Variants in TSC2 observed in about 807,000 individuals in gnomAD.
The protein encoded by TSC2 is tuberin.
TSC2 carries 29 observed loss-of-function variants against 202.2 expected under a neutral mutation model. The observed-to-expected ratio is 0.14, with a 90% CI of 0.11 to 0.20. TSC2 has a LOEUF of 0.20. Ranked by LOEUF, TSC2 falls within the 10% of genes least tolerant of loss-of-function variation. The probability of loss-of-function intolerance (pLI) is 1.00; values close to 1 mark genes in which losing one functional copy is unlikely to be tolerated. For missense variants in TSC2, 2,429 were observed against 2,420.0 expected (o/e 1.00, Z -0.08); for synonymous variants, 1,349 against 1,044.0 (o/e 1.29, Z -5.63).
intron 9 of TSC2, 137 bp from the exon 10 acceptor site, chr16:2,058,610 C>T: frequency 7.5e-7 from 1 of 1,332,862 alleles, no homozygotes; most frequent in Non-Finnish European, 1.0e-6. Flanking sequence ...CCCTGCCCTT[C>T]CCCAGCGGTG....
intron 15 of TSC2, chr16:2,064,697 C>T (rs549497262): frequency 2.8e-5 from 15 of 531,194 alleles, no homozygotes; most frequent in East Asian, 2.6e-4. Context: ...GAGCCCAGAC[C>T]TGGGGCTGGG....
At chr16:2,056,832 C>G in intron 8 of TSC2, 63 bp downstream of exon 8, 1 of 1,599,034 alleles carries the variant, frequency 6.3e-7, no homozygotes, top group South Asian at 1.1e-5. Context: ...AAGGGCCATC[C>G]TGTCTCCCAT....
rs397515028 is a variant in TSC2, at chr16:2,085,307, T to C, written c.4647T>C (p.Tyr1549=). 6 of 1,612,674 alleles carry C rather than the reference T, an allele frequency of 3.7e-6. 1 individual carries two copies. The highest frequency in any genetic ancestry group is 1.7e-4 in the Middle Eastern group (1 of 6,060). Residue 1549 remains tyrosine (Y), a synonymous_variant, in exon 36 of 42, where the codon TAT becomes TAC. Transcript: ENST00000219476. ...ACACCCACAAGATCGCCGTCCTGTA[T>C]GTTGGAGAAGGCCAGGTGAGGCTGC... ...SYDTHKIAVL[Y]VGEGQSNSEL... is the part of the protein sequence containing the mutation.
chr16:2,074,454 C>A (rs2151358690), intron 22 of TSC2, 65 bp downstream of exon 22: 2 of 1,580,226 alleles, frequency 1.3e-6, no homozygotes, highest in Non-Finnish European at 1.7e-6. Flanking sequence ...GTGCGGGCTT[C>A]TCTGGTGCCC....
chr16:2,072,391 G>T, intron 20 of TSC2, 28 bp downstream of exon 20: 1 of 1,602,318 alleles, frequency 6.2e-7, no homozygotes, highest in Non-Finnish European at 8.5e-7. Context: ...GGGTTGGGGT[G>T]GGGGACCCAG....
At chr16:2,082,607 C>T in intron 32 of TSC2, 103 bp downstream of exon 32, 1 of 1,344,688 alleles carries the variant, frequency 7.4e-7, no homozygotes, top group South Asian at 1.2e-5. Flanking sequence ...CCGTCTGCCT[C>T]CATTGCCCTG....
rs1216613310 is a variant in TSC2 at position 2,084,492 on chromosome 16, G to C, written c.4270G>C (p.Asp1424His). ...GGCCCGGTCACAGTCAGGGACCCTG[G>C]ACGGGGAAAGTGCTGCCTGGTCGGC... is the stretch of plus-strand genomic sequence containing the variant. ...VKARSQSGTL[D>H]GESAAWSASG... The change falls in exon 34 of 42, where the codon GAC (aspartate) becomes CAC (histidine). Residue 1424 changes from aspartate to histidine, a missense_variant. Asp to His is a moderately conservative substitution (Grantham distance 81, BLOSUM62 -1). Coordinates refer to ENST00000219476, the MANE Select transcript of TSC2 (RefSeq NM_000548.5). 2.5e-6 allele frequency: 4 copies of C among 1,609,284 alleles called. No homozygotes were observed. The East Asian group carries it at 8.9e-5, about 36-fold the overall frequency.
At chr16:2,078,677 A>C in intron 26 of TSC2, 2 of 361,310 alleles carry the variant, frequency 5.5e-6, no homozygotes, top group Non-Finnish European at 5.3e-6. Context: ...TGCGGGCAGA[A>C]TGCAATCTGG....
At chr16:2,074,477 C>T in intron 22 of TSC2, 88 bp downstream of exon 22, 1 of 1,510,184 alleles carries the variant, frequency 6.6e-7, no homozygotes, top group Non-Finnish European at 9.0e-7. Context: ...TCTCAGGACT[C>T]CTTGGGGAAC....
At position 2,088,687 on chromosome 16, in the gene TSC2, G is replaced by A. The variant is rs886051799; in HGVS notation, c.*77G>A. Reference sequence around the variant, plus strand: ...AAATAAATAAAGTCCTGACCCCAGTGCACAGACATAGAGGCACAGATTGCA... The same window carrying A: ...AAATAAATAAAGTCCTGACCCCAGTACACAGACATAGAGGCACAGATTGCA... On this transcript the variant is annotated 3_prime_UTR_variant, in exon 42 of 42. Transcript: ENST00000219476. The A allele has an allele frequency of 2.5e-5, 38 of 1,517,080 alleles. No homozygotes were observed. The highest frequency in any genetic ancestry group is 1.8e-4 in the Admixed American group (9 of 50,914). The allele number at this position is 1,517,080 out of a possible 1,614,324, so 94.0% of individuals were successfully genotyped here.
intron 34 of TSC2, 72 bp from the exon 35 acceptor site, chr16:2,084,879 G>A (rs2090570234): frequency 2.5e-6 from 4 of 1,606,010 alleles, no homozygotes; most frequent in East Asian, 2.2e-5. Flanking sequence ...CAGGCTCTGT[G>A]TTCCTCCCTG....
rs1326171191 is a variant in TSC2, at chr16:2,077,652, A to G, written c.2892A>G (p.Lys964=). ...GCTTGAATAACTCTCCACCCGTGAA[A>G]GAATTCAAGGAGAGCTCTGCAGCCG... ...KQGLNNSPPV[K]EFKESSAAEA... Residue 964 remains lysine (K), a synonymous_variant, in exon 26 of 42, where the codon AAA becomes AAG. Transcript: ENST00000219476. 1 of 1,613,162 alleles carries G rather than the reference A, an allele frequency of 6.2e-7. No homozygotes were observed. The highest frequency in any genetic ancestry group is 8.5e-7 in the Non-Finnish European group (1 of 1,180,026).
At position 2,084,547 on chromosome 16, in the gene TSC2, A is replaced by T. The variant is rs1204349917; in HGVS notation, c.4325A>T (p.Glu1442Val). 1 of 1,609,228 alleles carries T rather than the reference A, an allele frequency of 6.2e-7. No individual in the cohort carries two copies. Among genetic ancestry groups the T allele is most frequent in the Non-Finnish European group, 8.5e-7 (1 of 1,179,484 alleles). Reference protein sequence around the residue: ...ASGEDSRGQPEGPLPSSSPRS... With the variant: ...ASGEDSRGQPVGPLPSSSPRS... ...GGCGAAGACAGTCGGGGCCAGCCCG[A>T]GGGTCCCTTGCCTTCCAGCTCCCCC... The change falls in exon 34 of 42, where the codon GAG (glutamate) becomes GTG (valine). Residue 1442 changes from glutamate (E) to valine (V), a missense_variant. Glu to Val is a moderately radical substitution (Grantham distance 121, BLOSUM62 -2). Coordinates refer to ENST00000219476, the MANE Select transcript of TSC2 (RefSeq NM_000548.5).
chr16:2,078,714 T>G, intron 26 of TSC2: 2 of 435,568 alleles, frequency 4.6e-6, no homozygotes. Context: ...TCCGCCTCTC[T>G]GCATGACTAC....
Position 2,084,379 on chromosome 16 carries a change from G to A in TSC2, c.4157G>A (p.Ser1386Asn), listed in dbSNP as rs1555514071. ...FQPSQPLSKSSSSPELQTLQD... is the reference protein window; with the variant it reads ...FQPSQPLSKSNSSPELQTLQD... ...CCCTCGCAGCCCCTGAGCAAGTCCA[G>A]CTCCTCTCCCGAGCTGCAGACTCTG... The change falls in exon 34 of 42, where the codon AGC becomes AAC. Residue 1386 changes from serine (S) to asparagine (N), a missense_variant. Coordinates refer to ENST00000219476, the MANE Select transcript of TSC2 (RefSeq NM_000548.5). 2.5e-6 allele frequency: 4 copies of A among 1,612,466 alleles called. No individual in the cohort carries two copies. The East Asian group carries it at 8.9e-5, about 36-fold the overall frequency.
rs973464550 is a variant in TSC2, at chr16:2,048,104, C to T, written c.-30+39C>T. The T allele has an allele frequency of 4.8e-6, 7 of 1,454,158 alleles. No homozygotes were observed. In the African/African-American group the frequency reaches 7.3e-5, roughly 15 times the overall value. 90.1% of individuals were successfully genotyped at this position (1,454,158 alleles called of 1,614,324 possible). On this transcript the variant is annotated intron_variant, in intron 1 of 41. Coordinates refer to ENST00000219476, the MANE Select transcript of TSC2 (RefSeq NM_000548.5). ...CCCACGGGGCAAGTGGCGGTCCCCA[C>T]GGGGCAGCGGCCTAGAGAGGCGGAC...
chr16:2,067,527 T>TGAGC (rs1400446679), intron 16 of TSC2, among the ~76,000 whole-genome samples: 3,172 of 151,462 alleles, frequency 0.021, 124 homozygotes, highest in African/African-American at 0.072. Context: ...TCCCAGCACT[T>TGAGC]TGGGAGGCTG....
intron 20 of TSC2, 25 bp downstream of exon 20, chr16:2,072,388 G>A (rs149860839): frequency 6.2e-7 from 1 of 1,613,136 alleles, no homozygotes; most frequent in Admixed American, 1.7e-5. Context: ...CTGGGGTTGG[G>A]GTGGGGGACC....
chr16:2,079,560 C>T lies in TSC2; in HGVS notation c.3288C>T (p.Ser1096=), dbSNP rs1596385627. Residue 1096 remains serine (S), a synonymous_variant, in exon 29 of 42, where the codon TCC becomes TCT. Coordinates refer to ENST00000219476, the MANE Select transcript of TSC2 (RefSeq NM_000548.5). This position sits in a 1 kb window ranked among gnomAD's most constrained non-coding sequence, Gnocchi z 4.6. ...GELQSGPESS[S]SPGVHVRQTK... ...GTGCGTGGGATTCTCTTCTCAGCTC[C>T]AGCCCCGGGGTGCATGTGAGACAGA... The T allele has an allele frequency of 1.9e-6, 3 of 1,610,034 alleles. No individual in the cohort carries two copies. Among genetic ancestry groups the T allele is most frequent in the Admixed American group, 1.7e-5 (1 of 59,608 alleles).
Sources: allele counts gnomAD v4.1 joint callset (sites outside exome capture counted in the v4.1 genomes callset), GRCh38; gene constraint gnomAD v4.1.1; non-coding constraint Gnocchi (gnomAD v3.1); transcripts MANE v1.5; gene names NCBI Gene and HGNC (gene_info 2026-07-23, HGNC 2026-07-21).